CPEB4: variants seen among roughly 807,000 people sequenced by gnomAD.
CPEB4 encodes cytoplasmic polyadenylation element-binding protein 4.
Under a neutral mutation model 72.5 loss-of-function variants are expected in CPEB4, and 12 were observed. The observed-to-expected ratio is 0.17, with a 90% CI of 0.11 to 0.27. CPEB4 has a LOEUF of 0.27. Among genes scored for constraint, CPEB4 ranks in the 10% least tolerant of loss-of-function variants. The pLI is 1.00. For missense variants in CPEB4, 614 were observed against 908.5 expected (o/e 0.68, Z 4.17); for synonymous variants, 302 against 326.3 (o/e 0.93, Z 0.80).
In CPEB4 at chr5:173,950,196, A is replaced by T; in HGVS notation, c.1665+118A>T. ...GTACTTAATTGACATGTTTGTAAGC[A>T]GACTAAGTAGTCTTGTTGTGAAGTT... On this transcript the variant is annotated intron_variant, in intron 7 of 9. Transcript: ENST00000265085. This position sits in a 1 kb window ranked among gnomAD's most constrained non-coding sequence, Gnocchi z 5.0. 5.1e-6 allele frequency: 3 copies of T among 591,144 alleles called. No individual in the cohort carries two copies. The highest frequency in any genetic ancestry group is 8.9e-6 in the Non-Finnish European group (3 of 338,182). 36.6% of individuals were successfully genotyped at this position (591,144 alleles called of 1,614,324 possible).
At position 173,951,955 on chromosome 5, in the gene CPEB4, G is replaced by T. The variant is rs541269567; in HGVS notation, c.1780+17G>T. Reference sequence around the variant, plus strand: ...TACGAGCTGGTATGATTAAACAAACGACAAACTCTCTACCCTATAGCGCAA... The same window carrying T: ...TACGAGCTGGTATGATTAAACAAACTACAAACTCTCTACCCTATAGCGCAA... On this transcript the variant is annotated intron_variant, in intron 8 of 9. Transcript: ENST00000265085. 1.0e-5 allele frequency: 15 copies of T among 1,491,294 alleles called. No homozygotes were observed. In the South Asian group the frequency reaches 1.0e-4, roughly 10 times the overall value. 92.4% of individuals were successfully genotyped at this position (1,491,294 alleles called of 1,614,324 possible).
rs760261495 is a variant in CPEB4 at position 173,900,384 on chromosome 5, A to G, written c.1125+9526A>G. 7.2e-5 allele frequency among the ~76,000 whole-genome samples: 11 copies of G among 151,902 alleles called. No homozygotes were observed. The highest frequency in any genetic ancestry group is 1.2e-4 in the Non-Finnish European group (8 of 67,942). On this transcript the variant is annotated intron_variant, in intron 1 of 9. Transcript: ENST00000265085. The surrounding 1 kb of genome is among the most constrained non-coding windows in gnomAD (Gnocchi z 4.4). ...CGCGCCATTGCACTCCAGCCTGGAC[A>G]ACAACAGCGGAACTCTGTCTCAAAA... is the stretch of plus-strand genomic sequence containing the variant.
intron 2 of CPEB4, among the ~76,000 whole-genome samples, chr5:173,925,279 G>C (rs576301920): frequency 6.6e-6 from 1 of 152,150 alleles, no homozygotes; most frequent in Admixed American, 6.5e-5. Context: ...AGCAGAGAAG[G>C]GTTTTGTTTA....
chr5:173,906,520 G>C (rs1158613408), intron 1 of CPEB4, among the ~76,000 whole-genome samples: 1 of 152,186 alleles, frequency 6.6e-6, no homozygotes, highest in Non-Finnish European at 1.5e-5. Flanking sequence ...TTGTGGGGAA[G>C]AATACATATT....
chr5:173,930,189 G>A (rs992990070), intron 2 of CPEB4, among the ~76,000 whole-genome samples: 5 of 152,020 alleles, frequency 3.3e-5, no homozygotes, highest in Non-Finnish European at 5.9e-5. Flanking sequence ...CCAGTAGCTG[G>A]GTTGATTACA....
chr5:173,933,572 T>C (rs1253740106), intron 3 of CPEB4, among the ~76,000 whole-genome samples: 1 of 152,178 alleles, frequency 6.6e-6, no homozygotes, highest in African/African-American at 2.4e-5. Flanking sequence ...AATGTAATAT[T>C]CTAGCATAAA....
chr5:173,946,260 G>C (rs1758011515), intron 5 of CPEB4, among the ~76,000 whole-genome samples: 1 of 152,098 alleles, frequency 6.6e-6, no homozygotes, highest in African/African-American at 2.4e-5. Context: ...AGGGTTCTCT[G>C]AATCAATCTC....
chr5:173,948,119 G>A (rs1758093081), intron 5 of CPEB4, among the ~76,000 whole-genome samples: 1 of 152,066 alleles, frequency 6.6e-6, no homozygotes, highest in Non-Finnish European at 1.5e-5. Flanking sequence ...ATCAATAAAT[G>A]AATAAATCAA....
chr5:173,913,983 C>T (rs140319875), intron 2 of CPEB4, among the ~76,000 whole-genome samples: 2 of 152,342 alleles, frequency 1.3e-5, no homozygotes, highest in Non-Finnish European at 2.9e-5. Flanking sequence ...AGTCTGCTTT[C>T]ATGCTCATCA....
intron 3 of CPEB4, among the ~76,000 whole-genome samples, chr5:173,939,341 G>A (rs568262069): frequency 1.3e-5 from 2 of 150,396 alleles, no homozygotes; most frequent in African/African-American, 4.9e-5. Context: ...TTTGAAATAC[G>A]TACATACATA....
Position 173,910,526 on chromosome 5 carries a change from C to G in CPEB4, c.1129C>G (p.Arg377Gly). 1 of 1,610,370 alleles carries G rather than the reference C, an allele frequency of 6.2e-7. No homozygotes were observed. Among genetic ancestry groups the G allele is most frequent in the East Asian group, 2.2e-5 (1 of 44,752 alleles). The change falls in exon 2 of 10, where the codon CGC becomes GGC. Residue 377 changes from arginine to glycine, a missense_variant. Arg to Gly is a moderately radical substitution (Grantham distance 125). Transcript: ENST00000265085. The stretch of plus-strand genomic sequence containing the variant: ...TTGTGGCTGTTTGTGTCTACAGGAT[C>G]GCCCCAGGACATTCGACATGCACTC... Reference protein sequence around the residue: ...RADNIFPFPDRPRTFDMHSLE... With the variant: ...RADNIFPFPDGPRTFDMHSLE...
rs371583736 is a variant in CPEB4 at position 173,955,077 on chromosome 5, C to T, written c.1963-833C>T. 6.6e-5 allele frequency among the ~76,000 whole-genome samples: 10 copies of T among 152,302 alleles called. No homozygotes were observed. The East Asian group carries it at 1.5e-3, about 23-fold the overall frequency. On this transcript the variant is annotated intron_variant, in intron 9 of 9. Coordinates refer to ENST00000265085, the MANE Select transcript of CPEB4 (RefSeq NM_030627.4). This position sits in a 1 kb window ranked among gnomAD's most constrained non-coding sequence, Gnocchi z 4.7. The stretch of plus-strand genomic sequence containing the variant: ...AGGATTCCTTGTCAGAGCTGGGTGG[C>T]ACCAGTGCTGGTGACAGCCTGCTGT...
At chr5:173,954,299 CTG>C (rs1035100761) in intron 9 of CPEB4, among the ~76,000 whole-genome samples, 1 of 152,138 alleles carries the variant, frequency 6.6e-6, no homozygotes, top group African/African-American at 2.4e-5. Context: ...ATCCTACAAA[CTG>C]TGAATCTATT....
chr5:173,914,753 C>A (rs1035395943), intron 2 of CPEB4, among the ~76,000 whole-genome samples: 2 of 151,762 alleles, frequency 1.3e-5, no homozygotes, highest in Admixed American at 6.6e-5. Flanking sequence ...AGAGAGACTC[C>A]GTCACAAAAA....
At chr5:173,907,155 T>G (rs554104888) in intron 1 of CPEB4, among the ~76,000 whole-genome samples, 68 of 152,278 alleles carry the variant, frequency 4.5e-4, no homozygotes, top group African/African-American at 1.6e-3. Context: ...TAGTCCCAGC[T>G]ACTCAGGAGG....
chr5:173,949,425 T>A, intron 5 of CPEB4, 83 bp from the exon 6 acceptor site: 9 of 952,494 alleles, frequency 9.4e-6, no homozygotes, highest in Non-Finnish European at 1.1e-5. Flanking sequence ...TTGTAAATAG[T>A]AGATTTGAAA....
rs772617033 is a variant in CPEB4 at position 173,911,278 on chromosome 5, TA to T, written c.1207+675del. Among the ~76,000 whole-genome samples the T allele has an allele frequency of 4.8e-4, 72 of 149,778 alleles. 1 individual carries two copies. The highest frequency in any genetic ancestry group is 5.2e-4 in the Non-Finnish European group (35 of 67,044). ...CATGGGGTGCGGGCTTGCATGTTTT[TA>T]TTTTTTTTTGAGACGGAGTCTTGCC... On this transcript the variant is annotated intron_variant, in intron 2 of 9. Coordinates refer to ENST00000265085, the MANE Select transcript of CPEB4 (RefSeq NM_030627.4).
At chr5:173,896,282 CATTTT>C (rs895000508) in intron 1 of CPEB4, among the ~76,000 whole-genome samples, 19 of 152,230 alleles carry the variant, frequency 1.2e-4, no homozygotes, top group African/African-American at 4.6e-4. Context: ...TGACAAAATT[CATTTT>C]ATTTTATGTT....
At position 173,890,214 on chromosome 5, in the gene CPEB4, A is replaced by G; in HGVS notation, c.481A>G (p.Ser161Gly). 2 of 1,614,176 alleles carry G rather than the reference A, an allele frequency of 1.2e-6. No homozygotes were observed. Among genetic ancestry groups the G allele is most frequent in the Non-Finnish European group, 1.7e-6 (2 of 1,180,030 alleles). ...TACTTCAACCCAACCCTTGACATCT[A>G]GCGCATCGTCTCTTACTGGTTTCAG... ...LGTSTQPLTS[S>G]ASSLTGFSNW... The change falls in exon 1 of 10, where the codon AGC (serine) becomes GGC (glycine). Residue 161 changes from serine (S) to glycine (G), a missense_variant. Ser to Gly is a moderately conservative substitution (Grantham distance 56). This residue lies in a region of CPEB4 where 458 missense variants were observed against 548.6 expected (regional missense o/e 0.83). Coordinates refer to ENST00000265085, the MANE Select transcript of CPEB4 (RefSeq NM_030627.4).
Sources: gnomAD v4.1 joint callset for allele counts (sites outside exome capture counted in the v4.1 genomes callset) on GRCh38, gnomAD v4.1.1 for gene constraint, gnomAD v4.1.1 regional missense constraint, Gnocchi (gnomAD v3.1) non-coding constraint, MANE v1.5 for transcripts, NCBI Gene and HGNC (gene_info 2026-07-23, HGNC 2026-07-21) for gene names.